ARHGEF12: variants seen among roughly 807,000 people sequenced by gnomAD.
ARHGEF12 encodes KMT2A/ARHGEF12 fusion protein.
ARHGEF12 carries 66 observed loss-of-function variants against 211.2 expected under a neutral mutation model. That is an observed-to-expected ratio of 0.31 (90% CI 0.26 to 0.38). The LOEUF is 0.38. ARHGEF12 is among the 10% of genes least tolerant of loss of function. The pLI is 1.00. For missense variants in ARHGEF12, 1,429 were observed against 1,869.5 expected (o/e 0.76, Z 4.34); for synonymous variants, 592 against 638.4 (o/e 0.93, Z 1.09).
intron 30 of ARHGEF12, among the ~76,000 whole-genome samples, chr11:120,472,603 G>T (rs1392478789): frequency 1.3e-5 from 2 of 152,092 alleles, no homozygotes; most frequent in Non-Finnish European, 2.9e-5. Flanking sequence ...CAAAGCCACG[G>T]GAAGAGAGTG....
At chr11:120,361,183 C>T (rs1201757334) in intron 1 of ARHGEF12, among the ~76,000 whole-genome samples, 1 of 152,216 alleles carries the variant, frequency 6.6e-6, no homozygotes, top group Non-Finnish European at 1.5e-5. Context: ...GTCCCCAACC[C>T]CTGGGCCAGG....
intron 30 of ARHGEF12, 35 bp downstream of exon 30, chr11:120,469,423 T>G (rs757133390): frequency 4.0e-6 from 6 of 1,490,452 alleles, no homozygotes; most frequent in African/African-American, 1.4e-5. Flanking sequence ...CAGGATGACA[T>G]TGGGAGAACA....
chr11:120,438,554 A>T (rs1945767688), intron 12 of ARHGEF12: 1 of 152,212 alleles, frequency 6.6e-6, no homozygotes, highest in Non-Finnish European at 1.5e-5. Flanking sequence ...GTGTTGCAAC[A>T]CTAGGAGGAA....
chr11:120,489,330 G>A lies in ARHGEF12; in HGVS notation c.*4253G>A, dbSNP rs988249207. The A allele has an allele frequency of 4.4e-6, 1 of 225,274 alleles. No individual in the cohort carries two copies. 14.0% of individuals were successfully genotyped at this position (225,274 alleles called of 1,614,324 possible). On this transcript the variant is annotated 3_prime_UTR_variant, in exon 41 of 41. Coordinates refer to ENST00000397843, the MANE Select transcript of ARHGEF12 (RefSeq NM_015313.3). ...ATCAGATGGGTTTTGGTATATTATTGATTTTTAATTGTGGTGAAATATATA... is the reference window on the plus strand; with the variant it reads ...ATCAGATGGGTTTTGGTATATTATTAATTTTTAATTGTGGTGAAATATATA...
rs768808975 is a variant in ARHGEF12 at position 120,458,065 on chromosome 11, C to CT, written c.2226-9dup. The CT allele has an allele frequency of 1.7e-5, 27 of 1,596,214 alleles. No individual in the cohort carries two copies. The highest frequency in any genetic ancestry group is 2.2e-5 in the Non-Finnish European group (26 of 1,176,114). On this transcript the variant is annotated splice_polypyrimidine_tract_variant and intron_variant, in intron 24 of 40. Transcript: ENST00000397843. The stretch of plus-strand genomic sequence containing the variant: ...CTAAAGTCTTCAAATTGAATTCACT[C>CT]TTTTTTCTTCATAGGTTTGACAGTG...
At chr11:120,446,228 T>TA (rs1397486705) in intron 16 of ARHGEF12, among the ~76,000 whole-genome samples, 175 bp from the exon 17 acceptor site, 4 of 149,532 alleles carry the variant, frequency 2.7e-5, no homozygotes, top group African/African-American at 9.8e-5. Flanking sequence ...ATAATAATAA[T>TA]AATAATAATA....
intron 22 of ARHGEF12, among the ~76,000 whole-genome samples, chr11:120,454,250 C>T (rs1255618999): frequency 2.0e-5 from 3 of 151,932 alleles, no homozygotes; most frequent in African/African-American, 7.3e-5. Flanking sequence ...AGAGTCAAGA[C>T]GTAAGATAAT....
chr11:120,484,200 T>C (rs1416817445), intron 39 of ARHGEF12, among the ~76,000 whole-genome samples: 1 of 152,248 alleles, frequency 6.6e-6, no homozygotes, highest in African/African-American at 2.4e-5. Context: ...TTACCACCTC[T>C]ACTTTCTTTT....
intron 6 of ARHGEF12, among the ~76,000 whole-genome samples, chr11:120,422,626 A>C (rs1352513132): frequency 6.6e-6 from 1 of 152,178 alleles, no homozygotes; most frequent in East Asian, 1.9e-4. Flanking sequence ...TCCAAACTTC[A>C]AAAAAATCCA....
intron 1 of ARHGEF12, among the ~76,000 whole-genome samples, chr11:120,378,469 T>C (rs1308714757): frequency 6.6e-6 from 1 of 152,218 alleles, no homozygotes; most frequent in Non-Finnish European, 1.5e-5. Context: ...TCAAAGAGCA[T>C]AAGTTATTAA....
chr11:120,481,457 C>T lies in ARHGEF12; in HGVS notation c.4435C>T (p.Arg1479Cys), dbSNP rs371260313. 2.2e-5 allele frequency: 36 copies of T among 1,614,086 alleles called. No individual in the cohort carries two copies. Among genetic ancestry groups the T allele is most frequent in the African/African-American group, 2.0e-4 (15 of 74,928 alleles). The part of the protein sequence containing the change: ...PFTPEFLVQQ[R>C]WGAMEYSCFE... ...CACCCCCGAATTTCTGGTCCAGCAG[C>T]GCTGGGGAGCTATGGAGTATTCCTG... Residue 1479 changes from arginine to cysteine, a missense_variant, in exon 39 of 41, where the codon CGC becomes TGC. Coordinates refer to ENST00000397843, the MANE Select transcript of ARHGEF12 (RefSeq NM_015313.3).
intron 11 of ARHGEF12, 21 bp downstream of exon 11, chr11:120,431,932 ATCTTTTT>A: frequency 1.9e-6 from 3 of 1,565,632 alleles, no homozygotes; most frequent in Non-Finnish European, 2.6e-6. Flanking sequence ...AGTTTTCTAA[ATCTTTTT>A]TCTTCTGTAT....
At chr11:120,483,066 A>G (rs1441985965) in intron 39 of ARHGEF12, among the ~76,000 whole-genome samples, 1 of 152,174 alleles carries the variant, frequency 6.6e-6, no homozygotes, top group Admixed American at 6.5e-5. Context: ...AGGCATTTTT[A>G]TCTTTGTGTG....
intron 15 of ARHGEF12, among the ~76,000 whole-genome samples, chr11:120,445,144 A>G (rs1045035179): frequency 5.3e-5 from 8 of 151,956 alleles, no homozygotes; most frequent in Non-Finnish European, 7.4e-5. Flanking sequence ...AGCCAAAGCC[A>G]GTATATTCAT....
At chr11:120,344,467 T>C (rs1032405842) in intron 1 of ARHGEF12, among the ~76,000 whole-genome samples, 1 of 152,062 alleles carries the variant, frequency 6.6e-6, no homozygotes, top group African/African-American at 2.4e-5. Flanking sequence ...ATGGGTTATC[T>C]GCCTATGTTC....
Position 120,384,075 on chromosome 11 carries a change from C to T in ARHGEF12, c.33-22043C>T, listed in dbSNP as rs112357255. On this transcript the variant is annotated intron_variant, in intron 1 of 40. Transcript: ENST00000397843. ...CCAAGCATCAGAGAAACTGAGACCT[C>T]GGTATAGGTGGAGGAAGTCTAATGA... Among the ~76,000 whole-genome samples the T allele has an allele frequency of 7.4e-3, 1,123 of 152,142 alleles. 14 individuals carry two copies. Among genetic ancestry groups the T allele is most frequent in the East Asian group, 0.055 (286 of 5,176 alleles).
At chr11:120,383,610 G>C (rs572672662) in intron 1 of ARHGEF12, among the ~76,000 whole-genome samples, 2 of 152,200 alleles carry the variant, frequency 1.3e-5, no homozygotes, top group East Asian at 3.9e-4. Flanking sequence ...TTCGCTATAG[G>C]GTTCCTGCTC....
intron 4 of ARHGEF12, among the ~76,000 whole-genome samples, chr11:120,412,356 A>C (rs1175404296): frequency 1.3e-5 from 2 of 152,204 alleles, no homozygotes; most frequent in Non-Finnish European, 2.9e-5. Flanking sequence ...ACTGTAACAA[A>C]ATACCATAGA....
intron 1 of ARHGEF12, among the ~76,000 whole-genome samples, chr11:120,402,077 A>G (rs533662054): frequency 6.6e-6 from 1 of 152,288 alleles, no homozygotes; most frequent in African/African-American, 2.4e-5. Context: ...TTTAGAGGAG[A>G]TGCTTAAAGA....
Sources: gnomAD v4.1 joint callset for allele counts (sites outside exome capture counted in the v4.1 genomes callset) on GRCh38, gnomAD v4.1.1 for gene constraint, MANE v1.5 for transcripts, NCBI Gene and HGNC (gene_info 2026-07-23, HGNC 2026-07-21) for gene names.